ZNF100: variants seen among roughly 807,000 people sequenced by gnomAD.
ZNF100 encodes the protein zinc finger protein 100 (Y1).
Under a neutral mutation model 15.8 loss-of-function variants are expected in ZNF100, and 12 were observed. That is an observed-to-expected ratio of 0.76 (90% confidence interval 0.49 to 1.23). The LOEUF (loss-of-function observed/expected upper bound fraction) is 1.23. Ranked by LOEUF, ZNF100 falls within the 50% of genes most tolerant of loss-of-function variation. The pLI, the probability that ZNF100 is intolerant of heterozygous loss-of-function variation, is 0.00. For missense variants in ZNF100, 670 were observed against 635.6 expected (o/e 1.05, Z -0.58); for synonymous variants, 226 against 214.8 (o/e 1.05, Z -0.45).
rs1046620196 is a variant in ZNF100, at chr19:21,743,915, T to G, written c.322+102A>C. 3.2e-6 allele frequency: 4 copies of G among 1,245,552 alleles called. No homozygotes were observed. In the African/African-American group the frequency reaches 6.3e-5, roughly 20 times the overall value. 77.2% of individuals were successfully genotyped at this position (1,245,552 alleles called of 1,614,324 possible). A position where few individuals can be genotyped will look rare whatever the true frequency, so the allele number is the denominator to read the frequency against. On this transcript the variant is annotated intron_variant, in intron 4 of 4. Transcript: ENST00000358296. ...ACACTCAGGCATCCCAGAAACTATT[T>G]CCTTTGGAACATAGCTTCCCAAACC...
chr19:21,751,439 A>G (rs2036305047), intron 2 of ZNF100: 1 of 837,568 alleles, frequency 1.2e-6, no homozygotes, highest in South Asian at 1.3e-5. Context: ...TACTCTTTTT[A>G]GTGCTGCACA....
chr19:21,745,132 T>G, intron 2 of ZNF100, 65 bp from the exon 3 acceptor site: 1 of 1,544,682 alleles, frequency 6.5e-7, no homozygotes, highest in South Asian at 1.3e-5. Flanking sequence ...AATTTATTAT[T>G]TGAATTAAAA....
intron 2 of ZNF100, among the ~76,000 whole-genome samples, 199 bp from the exon 3 acceptor site, chr19:21,745,266 T>G (rs1470353352): frequency 3.3e-5 from 5 of 152,204 alleles, no homozygotes; most frequent in African/African-American, 1.2e-4. Flanking sequence ...TGGCATAAGA[T>G]CCACAACACC....
At chr19:21,745,101 T>C in intron 2 of ZNF100, 34 bp from the exon 3 acceptor site, 1 of 1,571,708 alleles carries the variant, frequency 6.4e-7, no homozygotes, top group Non-Finnish European at 8.6e-7. Context: ...ACACATATAT[T>C]TACCAAGTGG....
intron 4 of ZNF100, among the ~76,000 whole-genome samples, chr19:21,733,973 A>G (rs1362457374): frequency 1.3e-5 from 2 of 152,380 alleles, no homozygotes; most frequent in Non-Finnish European, 2.9e-5. Context: ...GCGGCCCTAC[A>G]GAAGACGGGC....
intron 2 of ZNF100, chr19:21,751,741 C>A: frequency 7.7e-7 from 1 of 1,296,472 alleles, no homozygotes; most frequent in Non-Finnish European, 1.1e-6. Context: ...ACCATCGCTC[C>A]TTAGCAGATG....
At chr19:21,756,265 T>C (rs972678947) in intron 2 of ZNF100, among the ~76,000 whole-genome samples, 3 of 152,126 alleles carry the variant, frequency 2.0e-5, no homozygotes, top group Admixed American at 6.5e-5. Flanking sequence ...ACATACTAAA[T>C]GGACACAAGT....
intron 4 of ZNF100, among the ~76,000 whole-genome samples, chr19:21,735,496 G>C (rs1306977077): frequency 1.6e-4 from 11 of 68,664 alleles, no homozygotes; most frequent in Admixed American, 6.7e-4. Context: ...GTAAGACTCT[G>C]TCTCAAAAAA....
intron 2 of ZNF100, among the ~76,000 whole-genome samples, chr19:21,748,201 T>C (rs1011302296): frequency 6.6e-6 from 1 of 152,228 alleles, no homozygotes; most frequent in African/African-American, 2.4e-5. Context: ...ATTTTTCTTA[T>C]TTATCTGCTT....
chr19:21,749,206 CT>C (rs901981289), intron 2 of ZNF100, among the ~76,000 whole-genome samples: 1 of 151,826 alleles, frequency 6.6e-6, no homozygotes, highest in Admixed American at 6.6e-5. Context: ...CGGACCTCCT[CT>C]TTGTGTTTCA....
In ZNF100 at chr19:21,726,544, A is replaced by T; in HGVS notation, c.*139T>A. On this transcript the variant is annotated 3_prime_UTR_variant, in exon 5 of 5. Coordinates refer to ENST00000358296, the MANE Select transcript of ZNF100 (RefSeq NM_173531.4). ...GTTTGTAGAATTTCTCTCTAGTATG[A>T]ATTATCTTATGTCTGTTAGGAATTG... 1 of 706,654 alleles carries T rather than the reference A, an allele frequency of 1.4e-6. No homozygotes were observed. 43.8% of individuals were successfully genotyped at this position (706,654 alleles called of 1,614,324 possible).
At chr19:21,742,020 G>C (rs2036118033) in intron 4 of ZNF100, among the ~76,000 whole-genome samples, 1 of 152,174 alleles carries the variant, frequency 6.6e-6, no homozygotes, top group Admixed American at 6.5e-5. Flanking sequence ...TGGTAGGCTG[G>C]GCGCGGTGGC....
intron 4 of ZNF100, among the ~76,000 whole-genome samples, chr19:21,738,400 C>A: frequency 6.6e-6 from 1 of 151,860 alleles, no homozygotes; most frequent in East Asian, 1.9e-4. Context: ...ATCATGCTAT[C>A]CAACTTCAAA....
At chr19:21,748,637 A>C (rs1160010594) in intron 2 of ZNF100, among the ~76,000 whole-genome samples, 1 of 152,252 alleles carries the variant, frequency 6.6e-6, no homozygotes. Context: ...TCTTCAGTCC[A>C]TAAATATCCC....
intron 1 of ZNF100, among the ~76,000 whole-genome samples, chr19:21,766,082 G>T (rs1259443109): frequency 6.6e-6 from 1 of 152,136 alleles, no homozygotes; most frequent in African/African-American, 2.4e-5. Flanking sequence ...ATATTTACAA[G>T]CGGATAACAC....
intron 4 of ZNF100, among the ~76,000 whole-genome samples, chr19:21,742,302 CAA>C (rs35299156): frequency 7.2e-4 from 47 of 65,660 alleles, no homozygotes; most frequent in South Asian, 1.9e-3. Context: ...GTCCCCCACC[CAA>C]AAAAAAAAAA....
rs1468947106 is a variant in ZNF100 at position 21,725,366 on chromosome 19, AATTTT to A, written c.*1312_*1316del. 6.6e-6 allele frequency: 1 copy of A among 152,166 alleles called. No individual in the cohort carries two copies. The highest frequency in any genetic ancestry group is 1.5e-5 in the Non-Finnish European group (1 of 68,016). The allele number at this position is 152,166 out of a possible 1,614,324, so 9.4% of individuals were successfully genotyped here. A position where few individuals can be genotyped will look rare whatever the true frequency, so the allele number is the denominator to read the frequency against. On this transcript the variant is annotated 3_prime_UTR_variant, in exon 5 of 5. Coordinates refer to ENST00000358296, the MANE Select transcript of ZNF100 (RefSeq NM_173531.4). Reference sequence around the variant, plus strand: ...TATAAAAGTATTAGTAAAATATACTAATTTTAATTTACTTATAAATGAAATTAAGT... The same window carrying A: ...TATAAAAGTATTAGTAAAATATACTAAATTTACTTATAAATGAAATTAAGT...
rs749240470 is a variant in ZNF100 at position 21,727,494 on chromosome 19, G to A, written c.818C>T (p.Ser273Phe). The A allele has an allele frequency of 1.9e-6, 3 of 1,613,294 alleles. No individual in the cohort carries two copies. The highest frequency in any genetic ancestry group is 2.5e-6 in the Non-Finnish European group (3 of 1,179,718). Residue 273 changes from serine (S) to phenylalanine (F), a missense_variant, in exon 5 of 5, where the codon TCC (serine) becomes TTC (phenylalanine). Coordinates refer to ENST00000358296, the MANE Select transcript of ZNF100 (RefSeq NM_173531.4). Reference protein sequence around the residue: ...CEECGKAFNRSSHLTTHKIIH... With the variant: ...CEECGKAFNRFSHLTTHKIIH... ...TATCTTATGTGTAGTAAGGTGTGAG[G>A]ACCGGTTAAATGCTTTCCCACATTC...
intron 3 of ZNF100, among the ~76,000 whole-genome samples, chr19:21,744,382 T>C (rs867362009): frequency 6.6e-6 from 1 of 152,218 alleles, no homozygotes; most frequent in African/African-American, 2.4e-5. Context: ...TATACATTTA[T>C]TTATTTTTGA....
Sources: gnomAD v4.1 joint callset for allele counts (sites outside exome capture counted in the v4.1 genomes callset) on GRCh38, gnomAD v4.1.1 for gene constraint, MANE v1.5 for transcripts, NCBI Gene and HGNC (gene_info 2026-07-23, HGNC 2026-07-21) for gene names.